The following RGS7BP variants were observed in gnomAD, a reference collection of about 807,000 sequenced individuals.
RGS7BP encodes the protein regulator of G protein signaling 7 binding protein, also known as regulator of G protein signaling 7-binding protein.
RGS7BP carries 9 observed loss-of-function variants against 31.3 expected under a neutral mutation model. The ratio of observed to expected loss-of-function variants is 0.29; its 90% CI spans 0.17 to 0.50. RGS7BP has a LOEUF of 0.50. Ranked by LOEUF, RGS7BP falls within the 20% of genes least tolerant of loss-of-function variation. RGS7BP has a pLI of 0.98. For missense variants in RGS7BP, 274 were observed against 322.0 expected (o/e 0.85, Z 1.14); for synonymous variants, 115 against 120.1 (o/e 0.96, Z 0.28).
intron 2 of RGS7BP, among the ~76,000 whole-genome samples, chr5:64,557,169 C>T (rs1741948030): frequency 6.6e-6 from 1 of 152,124 alleles, no homozygotes; most frequent in African/African-American, 2.4e-5. Flanking sequence ...TTCCTGCTCA[C>T]CTAAATTCTT....
rs187949228 is a variant in RGS7BP at position 64,507,512 on chromosome 5, A to G, written c.166-199A>G. Among the ~76,000 whole-genome samples the G allele has an allele frequency of 3.3e-5, 5 of 152,256 alleles. No individual in the cohort carries two copies. The East Asian group carries it at 7.7e-4, about 24-fold the overall frequency. Reference sequence around the variant, plus strand: ...AGAGCTTCCATGGCCAGGCTTGCCTATGGAAATAAATACTTGCCTTGGACA... The same window carrying G: ...AGAGCTTCCATGGCCAGGCTTGCCTGTGGAAATAAATACTTGCCTTGGACA... On this transcript the variant is annotated intron_variant, in intron 1 of 5. Transcript: ENST00000334025.
chr5:64,560,950 T>C (rs1283767653), intron 2 of RGS7BP, among the ~76,000 whole-genome samples: 1 of 152,168 alleles, frequency 6.6e-6, no homozygotes, highest in Non-Finnish European at 1.5e-5. Flanking sequence ...GCATTCATTT[T>C]TGTGTGTGCA....
chr5:64,535,640 C>A (rs1208092842), intron 2 of RGS7BP, among the ~76,000 whole-genome samples: 1 of 152,208 alleles, frequency 6.6e-6, no homozygotes, highest in Admixed American at 6.5e-5. Flanking sequence ...CACAAAGTAA[C>A]ACTTTCTCAC....
chr5:64,544,282 A>C (rs577267686), intron 2 of RGS7BP, among the ~76,000 whole-genome samples: 4 of 152,206 alleles, frequency 2.6e-5, no homozygotes, highest in South Asian at 2.1e-4. Context: ...ATCCTAGAAG[A>C]TGTACTGGGA....
intron 2 of RGS7BP, among the ~76,000 whole-genome samples, chr5:64,544,899 G>A (rs539245305): frequency 3.7e-4 from 56 of 151,944 alleles, no homozygotes; most frequent in African/African-American, 1.1e-3. Flanking sequence ...GCTTTTGGCC[G>A]GGCGTGGTGG....
Position 64,609,147 on chromosome 5 carries a change from A to G in RGS7BP, c.683-14A>G. On this transcript the variant is annotated splice_polypyrimidine_tract_variant and intron_variant, in intron 5 of 5. Coordinates refer to ENST00000334025, the MANE Select transcript of RGS7BP (RefSeq NM_001029875.3). ...TCTATACCTCACTTATGTGCACATT[A>G]TGTCCCATCACAGATGACAGCAGCC... 6.4e-7 allele frequency: 1 copy of G among 1,552,904 alleles called. No homozygotes were observed. Among genetic ancestry groups the G allele is most frequent in the Non-Finnish European group, 8.9e-7 (1 of 1,124,716 alleles).
At chr5:64,507,259 A>G (rs992216690) in intron 1 of RGS7BP, among the ~76,000 whole-genome samples, 2 of 152,180 alleles carry the variant, frequency 1.3e-5, no homozygotes, top group Non-Finnish European at 2.9e-5. Flanking sequence ...TCAGTGGCCC[A>G]GCAAAAGGTG....
At chr5:64,551,440 T>G (rs1181673712) in intron 2 of RGS7BP, among the ~76,000 whole-genome samples, 9 of 151,592 alleles carry the variant, frequency 5.9e-5, no homozygotes, top group Admixed American at 5.3e-4. Context: ...TTTTTGTATT[T>G]TTAGTAGAGA....
chr5:64,506,349 C>T lies in RGS7BP; in HGVS notation c.-276C>T. On this transcript the variant is annotated 5_prime_UTR_variant, in exon 1 of 6. Transcript: ENST00000334025. The surrounding 1 kb of genome is among the most constrained non-coding windows in gnomAD (Gnocchi z 4.6). ...AGGCAGTGCGAGCCCGCGCCAGCGC[C>T]CAGCTCCCGGGACAGGGTCGGCAAT... is the stretch of plus-strand genomic sequence containing the variant. The T allele has an allele frequency of 3.0e-6, 1 of 330,112 alleles. No homozygotes were observed. The highest frequency in any genetic ancestry group is 4.6e-5 in the East Asian group (1 of 21,832). The allele number at this position is 330,112 out of a possible 1,614,324, so 20.4% of individuals were successfully genotyped here.
intron 5 of RGS7BP, among the ~76,000 whole-genome samples, chr5:64,608,608 A>G (rs942463856): frequency 6.6e-6 from 1 of 152,068 alleles, no homozygotes; most frequent in Non-Finnish European, 1.5e-5. Flanking sequence ...GCTACTCACC[A>G]TAGCTAAATG....
rs1194617859 is a variant in RGS7BP, at chr5:64,609,516, C to T, written c.*264C>T. On this transcript the variant is annotated 3_prime_UTR_variant, in exon 6 of 6. Transcript: ENST00000334025. Reference sequence around the variant, plus strand: ...GACATTGTGCATGTCTGCTCCAAACCACGCCATGACAGATGCAAGAATTAT... The same window carrying T: ...GACATTGTGCATGTCTGCTCCAAACTACGCCATGACAGATGCAAGAATTAT... 7 of 426,186 alleles carry T rather than the reference C, an allele frequency of 1.6e-5. No homozygotes were observed. In the East Asian group the frequency reaches 2.6e-4, roughly 16 times the overall value. The allele number at this position is 426,186 out of a possible 1,614,324, so 26.4% of individuals were successfully genotyped here.
At chr5:64,517,446 C>T (rs973185156) in intron 2 of RGS7BP, among the ~76,000 whole-genome samples, 6 of 152,298 alleles carry the variant, frequency 3.9e-5, no homozygotes, top group African/African-American at 1.4e-4. Context: ...GGATTTTTTA[C>T]CACTTAACTT....
At chr5:64,520,081 G>C (rs1749069623) in intron 2 of RGS7BP, among the ~76,000 whole-genome samples, 1 of 152,176 alleles carries the variant, frequency 6.6e-6, no homozygotes, top group African/African-American at 2.4e-5. Context: ...AAAATGTTAA[G>C]TATTTTTAAA....
At chr5:64,602,901 G>C (rs757359904) in intron 5 of RGS7BP, among the ~76,000 whole-genome samples, 1 of 152,190 alleles carries the variant, frequency 6.6e-6, no homozygotes, top group South Asian at 2.1e-4. Flanking sequence ...TTTAGGATGA[G>C]TAGCACTTAG....
intron 3 of RGS7BP, among the ~76,000 whole-genome samples, chr5:64,589,561 C>G (rs1742852472): frequency 6.6e-6 from 1 of 152,074 alleles, no homozygotes; most frequent in Admixed American, 6.6e-5. Flanking sequence ...AACAACTAAC[C>G]TGAACTCTTC....
intron 2 of RGS7BP, among the ~76,000 whole-genome samples, chr5:64,542,180 T>C (rs1452754748): frequency 1.3e-5 from 2 of 152,214 alleles, no homozygotes; most frequent in African/African-American, 4.8e-5. Context: ...GTATCATACG[T>C]CTTACCCAAC....
chr5:64,591,200 C>T (rs1424016511), intron 3 of RGS7BP, among the ~76,000 whole-genome samples: 1 of 151,820 alleles, frequency 6.6e-6, no homozygotes, highest in African/African-American at 2.4e-5. Context: ...AATAAGAAAC[C>T]CAACCCATTG....
At chr5:64,507,925 T>A in intron 2 of RGS7BP, 48 bp downstream of exon 2, 1 of 1,494,644 alleles carries the variant, frequency 6.7e-7, no homozygotes, top group African/African-American at 1.4e-5. Flanking sequence ...GATGCATGGA[T>A]GCTGACAGAA....
chr5:64,556,637 G>C (rs1741935634), intron 2 of RGS7BP, among the ~76,000 whole-genome samples: 1 of 152,018 alleles, frequency 6.6e-6, no homozygotes, highest in Non-Finnish European at 1.5e-5. Flanking sequence ...TCTTCAAAGA[G>C]CAAAAAATAT....
Sources: allele counts gnomAD v4.1 joint callset (sites outside exome capture counted in the v4.1 genomes callset), GRCh38; gene constraint gnomAD v4.1.1; non-coding constraint Gnocchi (gnomAD v3.1); transcripts MANE v1.5; gene names NCBI Gene and HGNC (gene_info 2026-07-23, HGNC 2026-07-21).